The following CFAP61 variants were observed in gnomAD, a reference collection of about 807,000 sequenced individuals.
CFAP61 encodes the protein cilia and flagella associated protein 61.
A neutral mutation model predicts 135.6 loss-of-function variants in CFAP61; 107 were observed. The ratio of observed to expected loss-of-function variants is 0.79; its 90% CI spans 0.67 to 0.93. The LOEUF is 0.93. CFAP61 is among the 40% of genes least tolerant of loss of function. CFAP61 has a pLI of 0.00. For synonymous variants in CFAP61, 575 were observed against 578.5 expected, an observed-to-expected ratio of 0.99 and a Z score of 0.09; for missense variants, 1,507 against 1,556.2, an observed-to-expected ratio of 0.97 and a Z score of 0.53.
chr20:20,101,250 A>G (rs555120809), intron 8 of CFAP61, among the ~76,000 whole-genome samples: 1 of 152,360 alleles, frequency 6.6e-6, no homozygotes, highest in African/African-American at 2.4e-5. Flanking sequence ...TAATTTCTCT[A>G]AAATATGAAC....
intron 19 of CFAP61, among the ~76,000 whole-genome samples, chr20:20,247,742 T>A (rs1341969247): frequency 6.6e-6 from 1 of 152,148 alleles, no homozygotes; most frequent in African/African-American, 2.4e-5. Context: ...TTGCCCTTTT[T>A]CTCCCCATTT....
Position 20,209,917 on chromosome 20 carries a change from C to G in CFAP61, c.1932+10015C>G, listed in dbSNP as rs896082189. ...GTCCTCAGGCAAAGTCACCCCTTGT[C>G]CTGGCATCCAGGCCCCCGCAGCCCT... On this transcript the variant is annotated intron_variant, in intron 17 of 26. Transcript: ENST00000245957. Among the ~76,000 whole-genome samples, 3 of 152,004 alleles carry G rather than the reference C, an allele frequency of 2.0e-5. No homozygotes were observed. The East Asian group carries it at 5.8e-4, about 29-fold the overall frequency.
chr20:20,097,444 T>A (rs933826877), intron 7 of CFAP61, among the ~76,000 whole-genome samples: 16 of 152,366 alleles, frequency 1.1e-4, no homozygotes, highest in African/African-American at 3.8e-4. Flanking sequence ...TTAAATACTT[T>A]CCTTGCAGAA....
At chr20:20,348,399 A>G (rs1195254414) in intron 26 of CFAP61, among the ~76,000 whole-genome samples, 2 of 152,100 alleles carry the variant, frequency 1.3e-5, no homozygotes, top group Non-Finnish European at 2.9e-5. Flanking sequence ...TAATAGAACA[A>G]AGGGGAGGCT....
chr20:20,228,615 G>A (rs2048909335), intron 18 of CFAP61: 1 of 368,558 alleles, frequency 2.7e-6, no homozygotes, highest in South Asian at 5.6e-5. Flanking sequence ...TTGGAACACA[G>A]CCACACTCAT....
At chr20:20,269,388 T>G (rs1156447035) in intron 21 of CFAP61, among the ~76,000 whole-genome samples, 1 of 151,836 alleles carries the variant, frequency 6.6e-6, no homozygotes, top group East Asian at 1.9e-4. Flanking sequence ...CACACACATA[T>G]ATAGACAGAA....
At chr20:20,094,899 C>G (rs1214496882) in intron 7 of CFAP61, among the ~76,000 whole-genome samples, 1 of 152,098 alleles carries the variant, frequency 6.6e-6, no homozygotes, top group Non-Finnish European at 1.5e-5. Context: ...TTTCCTGCCT[C>G]CCTAGGGGGC....
rs768374835 is a variant in CFAP61 at position 20,298,205 on chromosome 20, G to A, written c.3241G>A (p.Ala1081Thr). The A allele has an allele frequency of 1.9e-6, 3 of 1,613,916 alleles. No homozygotes were observed. Among genetic ancestry groups the A allele is most frequent in the South Asian group, 1.1e-5 (1 of 91,070 alleles). Reference protein sequence around the residue: ...NYGLELVTGSAKNGTYFRIHI... With the variant: ...NYGLELVTGSTKNGTYFRIHI... ...GGGTTTAGAACTAGTAACCGGCAGTGCGAAAAATGGGACTTACTTCCGAAT... is the reference window on the plus strand; with the variant it reads ...GGGTTTAGAACTAGTAACCGGCAGTACGAAAAATGGGACTTACTTCCGAAT... The change falls in exon 25 of 27, where the codon GCG becomes ACG. Residue 1081 changes from alanine to threonine, a missense_variant. Physicochemically the swap from Ala to Thr is moderately conservative, Grantham distance 58. Transcript: ENST00000245957.
At chr20:20,353,806 G>A (rs940830466) in intron 26 of CFAP61, among the ~76,000 whole-genome samples, 6 of 152,218 alleles carry the variant, frequency 3.9e-5, no homozygotes, top group African/African-American at 1.4e-4. Context: ...ACCCTTGTTA[G>A]TATGGCTGTT....
chr20:20,345,307 C>T (rs1183492281), intron 26 of CFAP61, among the ~76,000 whole-genome samples: 1 of 152,100 alleles, frequency 6.6e-6, no homozygotes, highest in Admixed American at 6.5e-5. Context: ...GTGATGGATA[C>T]TCCATTTACC....
chr20:20,353,698 A>T (rs765988076), intron 26 of CFAP61, among the ~76,000 whole-genome samples: 7 of 152,230 alleles, frequency 4.6e-5, no homozygotes, highest in Non-Finnish European at 8.8e-5. Flanking sequence ...CCAGGAAGCT[A>T]CGAGGACTTA....
chr20:20,262,251 G>A (rs1015958746), intron 20 of CFAP61, among the ~76,000 whole-genome samples: 12 of 152,084 alleles, frequency 7.9e-5, no homozygotes, highest in Admixed American at 3.3e-4. Context: ...TCCATGAATC[G>A]AATATGGTGG....
chr20:20,130,751 CA>C (rs1444723659), intron 8 of CFAP61, among the ~76,000 whole-genome samples: 1 of 151,752 alleles, frequency 6.6e-6, no homozygotes, highest in African/African-American at 2.4e-5. Flanking sequence ...GGTTCATGCC[CA>C]GGGGACCTGT....
chr20:20,285,527 C>T (rs1343933686), intron 22 of CFAP61, among the ~76,000 whole-genome samples: 3 of 151,982 alleles, frequency 2.0e-5, no homozygotes, highest in Non-Finnish European at 4.4e-5. Context: ...TGGACAGTTT[C>T]TATTCATATA....
chr20:20,218,269 A>C (rs1246038567), intron 17 of CFAP61, among the ~76,000 whole-genome samples: 2 of 152,114 alleles, frequency 1.3e-5, no homozygotes, highest in Non-Finnish European at 2.9e-5. Flanking sequence ...CGTGGTAATG[A>C]ATAAGTCTCA....
intron 6 of CFAP61, 50 bp downstream of exon 6, chr20:20,075,665 A>G: frequency 6.2e-7 from 1 of 1,603,930 alleles, no homozygotes; most frequent in East Asian, 2.2e-5. Flanking sequence ...TGGGACAGTC[A>G]TCTTCCCAAG....
intron 19 of CFAP61, among the ~76,000 whole-genome samples, chr20:20,247,169 TTAACA>T (rs1284604156): frequency 3.9e-5 from 6 of 152,222 alleles, no homozygotes; most frequent in Non-Finnish European, 7.3e-5. Context: ...TTTGTTAAAA[TTAACA>T]TAACACCAAC....
At chr20:20,079,276 C>A (rs1380076061) in intron 6 of CFAP61, among the ~76,000 whole-genome samples, 1 of 152,210 alleles carries the variant, frequency 6.6e-6, no homozygotes, top group East Asian at 1.9e-4. Flanking sequence ...TCTGTGCCAA[C>A]CTTGCCACTC....
intron 11 of CFAP61, among the ~76,000 whole-genome samples, chr20:20,164,960 T>A (rs764007067): frequency 1.3e-5 from 2 of 152,302 alleles, no homozygotes; most frequent in South Asian, 4.1e-4. Flanking sequence ...TTCATGAGAC[T>A]TATTCAATAC....
Sources: gnomAD v4.1 joint callset for allele counts (sites outside exome capture counted in the v4.1 genomes callset) on GRCh38, gnomAD v4.1.1 for gene constraint, MANE v1.5 for transcripts, NCBI Gene and HGNC (gene_info 2026-07-23, HGNC 2026-07-21) for gene names.